SMG6: variants seen among roughly 807,000 people sequenced by gnomAD.
SMG6 encodes telomerase-binding protein EST1A.
In SMG6, 66 loss-of-function variants were observed where a neutral mutation model predicts 142.2. The ratio of observed to expected loss-of-function variants is 0.46; its 90% confidence interval spans 0.38 to 0.57. SMG6 has a LOEUF of 0.57. SMG6 is among the 20% of genes least tolerant of loss of function. The pLI is 0.00. For missense variants in SMG6, 1,793 were observed against 1,832.0 expected (o/e 0.98, Z 0.39); for synonymous variants, 779 against 702.4 (o/e 1.11, Z -1.72).
At chr17:2,250,741 T>C (rs2074028524) in intron 8 of SMG6, among the ~76,000 whole-genome samples, 1 of 152,124 alleles carries the variant, frequency 6.6e-6, no homozygotes, top group South Asian at 2.1e-4. Context: ...ATCTATCCTC[T>C]TAGATATGAG....
chr17:2,279,717 G>A (rs1364256993), intron 8 of SMG6, among the ~76,000 whole-genome samples: 1 of 152,118 alleles, frequency 6.6e-6, no homozygotes, highest in African/African-American at 2.4e-5. Flanking sequence ...TGGATGTGGG[G>A]ACAGAGGAAA....
intron 12 of SMG6, among the ~76,000 whole-genome samples, chr17:2,177,581 A>C (rs1304453478): frequency 6.6e-6 from 1 of 152,176 alleles, no homozygotes; most frequent in Non-Finnish European, 1.5e-5. Flanking sequence ...GGAGGTGGCC[A>C]TTTCCTGTGT....
At chr17:2,116,623 G>A (rs1473466866) in intron 13 of SMG6, among the ~76,000 whole-genome samples, 6 of 151,906 alleles carry the variant, frequency 3.9e-5, no homozygotes, top group Admixed American at 3.9e-4. Context: ...GCGGGTACAT[G>A]TGTAATCCCA....
At chr17:2,077,531 G>A (rs2068294045) in intron 15 of SMG6, among the ~76,000 whole-genome samples, 1 of 152,196 alleles carries the variant, frequency 6.6e-6, no homozygotes, top group Non-Finnish European at 1.5e-5. Context: ...AAAAGGCAGA[G>A]CATGCCTAGG....
intron 13 of SMG6, among the ~76,000 whole-genome samples, chr17:2,103,025 T>C (rs2069055076): frequency 6.6e-6 from 1 of 152,252 alleles, no homozygotes; most frequent in African/African-American, 2.4e-5. Flanking sequence ...CTTTTCTTTA[T>C]CCATTCATCT....
chr17:2,086,009 C>A, intron 13 of SMG6, 108 bp from the exon 14 acceptor site: 1 of 1,137,948 alleles, frequency 8.8e-7, no homozygotes, highest in East Asian at 2.3e-5. Context: ...TCAAAGCTAC[C>A]AGGCAAGGGG....
At position 2,283,008 on chromosome 17, in the gene SMG6, T is replaced by C. The variant is rs1260770265; in HGVS notation, c.2449-149A>G. On this transcript the variant is annotated intron_variant, in intron 7 of 18. Coordinates refer to ENST00000263073, the MANE Select transcript of SMG6 (RefSeq NM_017575.5). ...CAACATAGTGAAACCCTGTCTCTAC[T>C]AAAAATACAAAATTAGCTGGGTGTG... is the stretch of plus-strand genomic sequence containing the variant. 12 of 693,844 alleles carry C rather than the reference T, an allele frequency of 1.7e-5. No individual in the cohort carries two copies. In the South Asian group the frequency reaches 2.0e-4, roughly 12 times the overall value. 43.0% of individuals were successfully genotyped at this position (693,844 alleles called of 1,614,324 possible).
intron 12 of SMG6, among the ~76,000 whole-genome samples, chr17:2,183,202 G>GGT (rs757739460): frequency 1.3e-4 from 19 of 151,822 alleles, no homozygotes; most frequent in Non-Finnish European, 2.4e-4. Flanking sequence ...GTCCACCCTG[G>GGT]GTAACAGAGC....
intron 13 of SMG6, among the ~76,000 whole-genome samples, chr17:2,138,305 A>T (rs1201492860): frequency 1.3e-5 from 2 of 152,176 alleles, no homozygotes; most frequent in Non-Finnish European, 2.9e-5. Flanking sequence ...AAACACTCCA[A>T]GATAAAGAAG....
chr17:2,288,829 C>T (rs1465579142), intron 6 of SMG6, among the ~76,000 whole-genome samples: 1 of 151,710 alleles, frequency 6.6e-6, no homozygotes, highest in East Asian at 1.9e-4. Context: ...CCTGTAATCC[C>T]AGCACTTTGG....
chr17:2,251,978 G>A (rs1175615135), intron 8 of SMG6, among the ~76,000 whole-genome samples: 2 of 152,186 alleles, frequency 1.3e-5, no homozygotes, highest in African/African-American at 4.8e-5. Flanking sequence ...GCTCATGCCT[G>A]TAATCCCAGC....
chr17:2,147,968 T>C (rs1034939416), intron 13 of SMG6, among the ~76,000 whole-genome samples: 5 of 152,088 alleles, frequency 3.3e-5, no homozygotes, highest in Non-Finnish European at 7.4e-5. Flanking sequence ...GGTGGGTGGA[T>C]CGCTTGAGCT....
At chr17:2,165,206 A>T (rs988699920) in intron 13 of SMG6, among the ~76,000 whole-genome samples, 2 of 152,158 alleles carry the variant, frequency 1.3e-5, no homozygotes, top group Non-Finnish European at 2.9e-5. Context: ...AAGTGGCCCA[A>T]TGACAGAATT....
intron 12 of SMG6, among the ~76,000 whole-genome samples, chr17:2,184,135 G>A (rs2151681067): frequency 6.6e-6 from 1 of 152,332 alleles, no homozygotes; most frequent in East Asian, 1.9e-4. Context: ...GCTGAGGCGG[G>A]TGGACCACTG....
chr17:2,072,924 T>C (rs1457709245), intron 15 of SMG6: 1 of 152,248 alleles, frequency 6.6e-6, no homozygotes. Context: ...TGACACATAT[T>C]AGTAACTCAA....
intron 18 of SMG6, among the ~76,000 whole-genome samples, chr17:2,064,414 G>C (rs2067876674): frequency 6.6e-6 from 1 of 152,108 alleles, no homozygotes; most frequent in African/African-American, 2.4e-5. Context: ...GTGGGCCTTT[G>C]GCCCAAAGAT....
intron 10 of SMG6, among the ~76,000 whole-genome samples, chr17:2,211,521 G>A (rs545750381): frequency 6.6e-5 from 10 of 152,092 alleles, no homozygotes; most frequent in African/African-American, 1.2e-4. Flanking sequence ...AAAATTAGCC[G>A]GGCGTGGTGG....
chr17:2,252,531 A>C (rs748380375), intron 8 of SMG6, among the ~76,000 whole-genome samples: 23 of 152,228 alleles, frequency 1.5e-4, no homozygotes, highest in Non-Finnish European at 2.9e-4. Context: ...AAGAGTTGAA[A>C]ACCTGGGTTC....
At chr17:2,069,515 G>A (rs2068041140) in intron 15 of SMG6, among the ~76,000 whole-genome samples, 1 of 151,816 alleles carries the variant, frequency 6.6e-6, no homozygotes, top group Admixed American at 6.6e-5. Context: ...AGGATTGCCT[G>A]AGCTCTGGAG....
Sources: gnomAD v4.1 joint callset for allele counts (sites outside exome capture counted in the v4.1 genomes callset) on GRCh38, gnomAD v4.1.1 for gene constraint, MANE v1.5 for transcripts, NCBI Gene and HGNC (gene_info 2026-07-23, HGNC 2026-07-21) for gene names.